The following CLIC4 variants were observed in gnomAD, a reference collection of about 807,000 sequenced individuals.
The protein encoded by CLIC4 is chloride intracellular channel protein 4.
A neutral mutation model predicts 24.6 loss-of-function variants in CLIC4; 13 were observed. The ratio of observed to expected loss-of-function variants is 0.53; its 90% CI spans 0.34 to 0.84. The LOEUF is 0.84. Ranked by LOEUF, CLIC4 falls within the 40% of genes least tolerant of loss-of-function variation. The probability of loss-of-function intolerance (pLI) is 0.01; values close to 1 mark genes in which losing one functional copy is unlikely to be tolerated. For missense variants in CLIC4, 227 were observed against 301.7 expected, an observed-to-expected ratio of 0.75 and a Z score of 1.83; for synonymous variants, 104 against 111.3, an observed-to-expected ratio of 0.93 and a Z score of 0.41.
chr1:24,759,054 T>C (rs1472240720), intron 1 of CLIC4, among the ~76,000 whole-genome samples: 1 of 152,226 alleles, frequency 6.6e-6, no homozygotes, highest in Non-Finnish European at 1.5e-5. Flanking sequence ...CATGAAAGTA[T>C]GACATGAAAT....
At chr1:24,802,514 A>G (rs1639502149) in intron 2 of CLIC4, among the ~76,000 whole-genome samples, 3 of 152,224 alleles carry the variant, frequency 2.0e-5, no homozygotes, top group African/African-American at 2.4e-5. Flanking sequence ...ATTGAAGCTT[A>G]TATTTTTTGG....
rs1435899924 is a variant in CLIC4 at position 24,840,855 on chromosome 1, G to A, written c.680G>A (p.Arg227Lys). ...IWRYLTNAYSRDEFTNTCPSD... is the reference protein window; with the variant it reads ...IWRYLTNAYSKDEFTNTCPSD... The stretch of plus-strand genomic sequence containing the variant: ...AGATACCTAACTAATGCATACAGTA[G>A]GGACGAGTTCACCAATACCTGTCCC... The change falls in exon 6 of 6, where the codon AGG (arginine) becomes AAG (lysine). Residue 227 changes from arginine (R) to lysine (K), a missense_variant. Transcript: ENST00000374379. 2 of 1,612,968 alleles carry A rather than the reference G, an allele frequency of 1.2e-6. No individual in the cohort carries two copies. The highest frequency in any genetic ancestry group is 1.3e-5 in the African/African-American group (1 of 74,832).
intron 1 of CLIC4, among the ~76,000 whole-genome samples, chr1:24,770,251 G>A (rs1341619322): frequency 1.3e-5 from 2 of 150,738 alleles, no homozygotes; most frequent in African/African-American, 2.4e-5. Flanking sequence ...TTTTCTGTGA[G>A]TTCTTTTCTT....
intron 1 of CLIC4, among the ~76,000 whole-genome samples, chr1:24,780,213 C>T (rs1400786944): frequency 6.6e-6 from 1 of 152,160 alleles, no homozygotes; most frequent in Non-Finnish European, 1.5e-5. Flanking sequence ...ATTATGTGTA[C>T]AAAGCAACTA....
At chr1:24,820,417 A>T (rs1004010662) in intron 3 of CLIC4, among the ~76,000 whole-genome samples, 2 of 151,030 alleles carry the variant, frequency 1.3e-5, no homozygotes, top group Non-Finnish European at 3.0e-5. Context: ...GTGTGCCACC[A>T]TGCCCAGCTA....
chr1:24,764,121 G>C (rs1254140612), intron 1 of CLIC4, among the ~76,000 whole-genome samples: 1 of 152,162 alleles, frequency 6.6e-6, no homozygotes, highest in Non-Finnish European at 1.5e-5. Flanking sequence ...TAGCAGCACT[G>C]TTTGGTGGGT....
chr1:24,764,494 A>T (rs768672190), intron 1 of CLIC4, among the ~76,000 whole-genome samples: 4 of 151,980 alleles, frequency 2.6e-5, no homozygotes, highest in Non-Finnish European at 5.9e-5. Flanking sequence ...TCTCCACAAA[A>T]AATGCAAAAA....
chr1:24,754,051 CAG>C (rs1230233957), intron 1 of CLIC4, among the ~76,000 whole-genome samples: 2 of 152,166 alleles, frequency 1.3e-5, no homozygotes, highest in Non-Finnish European at 2.9e-5. Flanking sequence ...ATTCAGGAGA[CAG>C]AAATGAATGT....
At chr1:24,759,137 A>G (rs1210333215) in intron 1 of CLIC4, among the ~76,000 whole-genome samples, 2 of 152,206 alleles carry the variant, frequency 1.3e-5, no homozygotes, top group African/African-American at 4.8e-5. Context: ...TTTAGGAGAA[A>G]TCTATTCTAA....
intron 3 of CLIC4, among the ~76,000 whole-genome samples, chr1:24,820,191 C>G (rs187301521): frequency 9.3e-4 from 132 of 142,094 alleles, no homozygotes; most frequent in African/African-American, 3.0e-3. Context: ...CTAGGATGAT[C>G]CTCCTGCCTC....
chr1:24,750,436 CTTTTT>C (rs368673049), intron 1 of CLIC4, among the ~76,000 whole-genome samples: 3 of 137,510 alleles, frequency 2.2e-5, no homozygotes, highest in Non-Finnish European at 3.2e-5. Flanking sequence ...TTCTTTCTTT[CTTTTT>C]TTTTTTTTTT....
intron 1 of CLIC4, among the ~76,000 whole-genome samples, chr1:24,771,552 A>G (rs113072249): frequency 6.6e-6 from 1 of 152,094 alleles, no homozygotes; most frequent in Non-Finnish European, 1.5e-5. Context: ...ACAAACCTTT[A>G]TATATAGGAG....
chr1:24,829,158 T>C (rs1033731883), intron 4 of CLIC4, among the ~76,000 whole-genome samples: 2 of 152,214 alleles, frequency 1.3e-5, no homozygotes, highest in Admixed American at 1.3e-4. Flanking sequence ...TTTTACATGG[T>C]AAATCAGAGT....
chr1:24,819,439 CTT>C (rs764888181), intron 3 of CLIC4, among the ~76,000 whole-genome samples: 6 of 143,656 alleles, frequency 4.2e-5, no homozygotes, highest in Non-Finnish European at 3.1e-5. Flanking sequence ...GTGGAAATAA[CTT>C]TTTTTTTTTT....
chr1:24,807,297 T>C (rs888071182), intron 2 of CLIC4, among the ~76,000 whole-genome samples: 2 of 151,804 alleles, frequency 1.3e-5, no homozygotes, highest in African/African-American at 4.8e-5. Context: ...TTTAAAGCAT[T>C]GAGACTGTTA....
chr1:24,818,106 A>G (rs1393153948), intron 3 of CLIC4, among the ~76,000 whole-genome samples: 3 of 152,208 alleles, frequency 2.0e-5, no homozygotes. Context: ...ACAGTGTGAC[A>G]GAGACATGAA....
At chr1:24,751,207 C>CT (rs563478354) in intron 1 of CLIC4, among the ~76,000 whole-genome samples, 2,224 of 108,984 alleles carry the variant, frequency 0.02, 88 homozygotes, top group African/African-American at 0.064. Flanking sequence ...TACTTCCAGT[C>CT]TTTTTTTTTT....
At position 24,841,979 on chromosome 1, in the gene CLIC4, C is replaced by T. The variant is rs1266987225; in HGVS notation, c.*1042C>T. ...TCTAAAGTACATTTAATGTAGATGA[C>T]CTAAAGAATGCGTTATCCATCCTAT... On this transcript the variant is annotated 3_prime_UTR_variant, in exon 6 of 6. Transcript: ENST00000374379. The T allele has an allele frequency of 2.0e-5, 3 of 152,474 alleles. No individual in the cohort carries two copies. Among genetic ancestry groups the T allele is most frequent in the Non-Finnish European group, 4.4e-5 (3 of 67,994 alleles). 9.4% of individuals were successfully genotyped at this position (152,474 alleles called of 1,614,324 possible).
chr1:24,765,066 C>T (rs1638977148), intron 1 of CLIC4, among the ~76,000 whole-genome samples: 1 of 152,168 alleles, frequency 6.6e-6, no homozygotes, highest in South Asian at 2.1e-4. Context: ...GTTATTGTAA[C>T]TCACTGCCTG....
Sources: gnomAD v4.1 joint callset for allele counts (sites outside exome capture counted in the v4.1 genomes callset) on GRCh38, gnomAD v4.1.1 for gene constraint, MANE v1.5 for transcripts, NCBI Gene and HGNC (gene_info 2026-07-23, HGNC 2026-07-21) for gene names.